LRMDA: variants seen among roughly 807,000 people sequenced by gnomAD.
LRMDA encodes leucine rich melanocyte differentiation associated, also known as leucine-rich melanocyte differentiation-associated protein.
LRMDA carries 18 observed loss-of-function variants against 29.8 expected under a neutral mutation model. That is an observed-to-expected ratio of 0.60 (90% confidence interval 0.42 to 0.90). The LOEUF (loss-of-function observed/expected upper bound fraction) is 0.90, where lower values mean the gene tolerates loss of function less well. LRMDA is among the 40% of genes least tolerant of loss of function. LRMDA has a pLI of 0.00. For synonymous variants in LRMDA, 125 were observed against 109.4 expected, an observed-to-expected ratio of 1.14 and a Z score of -0.89; for missense variants, 273 against 273.9, an observed-to-expected ratio of 1.00 and a Z score of 0.02.
chr10:76,148,195 A>C (rs1050630016), intron 5 of LRMDA, among the ~76,000 whole-genome samples: 4 of 152,174 alleles, frequency 2.6e-5, no homozygotes, highest in Non-Finnish European at 4.4e-5. Context: ...TGGGAGAACC[A>C]CTACTCTCTT....
intron 2 of LRMDA, among the ~76,000 whole-genome samples, chr10:75,486,151 G>A (rs1286820694): frequency 2.6e-5 from 4 of 152,192 alleles, no homozygotes; most frequent in Non-Finnish European, 5.9e-5. Context: ...TTGTTGAAGA[G>A]AGTGTTTTCA....
intron 5 of LRMDA, among the ~76,000 whole-genome samples, chr10:76,213,749 GA>G (rs1426974381): frequency 2.0e-5 from 3 of 152,158 alleles, no homozygotes; most frequent in Admixed American, 6.5e-5. Context: ...CTCCCTCCAG[GA>G]GGTTGCCAAG....
chr10:75,477,158 T>A (rs1247652779), intron 2 of LRMDA, among the ~76,000 whole-genome samples: 1 of 152,108 alleles, frequency 6.6e-6, no homozygotes, highest in East Asian at 1.9e-4. Context: ...CTAGCTAATT[T>A]TTTTAGAGAT....
intron 5 of LRMDA, among the ~76,000 whole-genome samples, chr10:76,100,405 G>A (rs777986689): frequency 1.3e-5 from 2 of 152,206 alleles, no homozygotes; most frequent in African/African-American, 4.8e-5. Context: ...CCATACACAG[G>A]AACGGAAGAG....
At chr10:76,340,139 T>G (rs11001734) in intron 6 of LRMDA, among the ~76,000 whole-genome samples, 16,529 of 152,172 alleles carry the variant, frequency 0.11, 1,067 homozygotes, top group East Asian at 0.33. Flanking sequence ...TAGTTTACTT[T>G]TAGAATTTAT....
intron 5 of LRMDA, among the ~76,000 whole-genome samples, chr10:76,103,788 C>T (rs758125083): frequency 3.9e-5 from 6 of 152,152 alleles, no homozygotes; most frequent in South Asian, 2.1e-4. Context: ...TAGTGGCTCA[C>T]GCCTGTAATC....
chr10:75,928,048 TCA>T (rs1846148716), intron 2 of LRMDA, among the ~76,000 whole-genome samples: 1 of 68,946 alleles, frequency 1.5e-5, no homozygotes, highest in South Asian at 4.3e-4. Flanking sequence ...TTTAACATCA[TCA>T]TCATCATCAT....
intron 5 of LRMDA, among the ~76,000 whole-genome samples, chr10:76,179,561 G>A (rs1366149377): frequency 6.6e-6 from 1 of 152,114 alleles, no homozygotes; most frequent in African/African-American, 2.4e-5. Context: ...CTGTCTTGTC[G>A]GTAAGAAAGA....
At chr10:75,618,830 G>A (rs911336382) in intron 2 of LRMDA, among the ~76,000 whole-genome samples, 8 of 148,320 alleles carry the variant, frequency 5.4e-5, no homozygotes, top group Non-Finnish European at 4.4e-5. Flanking sequence ...TGGCTGGAGT[G>A]CAATGGCATG....
chr10:76,065,736 C>G (rs75260515), intron 5 of LRMDA, among the ~76,000 whole-genome samples: 5 of 152,264 alleles, frequency 3.3e-5, no homozygotes, highest in African/African-American at 9.6e-5. Context: ...ATTCCTTTCT[C>G]TCTGCCCTTG....
At chr10:75,518,589 C>G (rs1028450142) in intron 2 of LRMDA, among the ~76,000 whole-genome samples, 3 of 152,114 alleles carry the variant, frequency 2.0e-5, no homozygotes, top group South Asian at 2.1e-4. Flanking sequence ...ATTCTTCTCT[C>G]TTTTCTTCTT....
At chr10:76,223,378 G>A (rs1318723386) in intron 5 of LRMDA, among the ~76,000 whole-genome samples, 1 of 152,162 alleles carries the variant, frequency 6.6e-6, no homozygotes, top group African/African-American at 2.4e-5. Flanking sequence ...TTGTAGAGAT[G>A]AGGAATTTCT....
intron 2 of LRMDA, chr10:75,552,657 CT>C (rs1397153385): frequency 3.1e-4 from 108 of 354,010 alleles, no homozygotes; most frequent in Middle Eastern, 8.5e-4. Flanking sequence ...TCTCTTCAAA[CT>C]TTTTTTTTCT....
intron 5 of LRMDA, among the ~76,000 whole-genome samples, chr10:76,146,513 C>G (rs567988590): frequency 0.015 from 2,317 of 151,510 alleles, 59 homozygotes; most frequent in African/African-American, 0.053. Flanking sequence ...AGGATTGCAA[C>G]CACTGCCTTT....
chr10:75,462,976 A>G (rs1238628093), intron 2 of LRMDA, among the ~76,000 whole-genome samples: 2 of 152,212 alleles, frequency 1.3e-5, no homozygotes, highest in Non-Finnish European at 2.9e-5. Flanking sequence ...GCGGGGAGCA[A>G]ACTGTTAGTA....
chr10:76,284,507 G>A lies in LRMDA; in HGVS notation c.517-39894G>A, dbSNP rs76827835. Among the ~76,000 whole-genome samples, 735 of 152,292 alleles carry A rather than the reference G, an allele frequency of 4.8e-3. 40 individuals are homozygous for A. The East Asian group carries it at 0.12, about 26-fold the overall frequency. ...TCCAGAACTCTAAGACAATGAACTTGTGTTGTTTGAAGCTGCTAAGTTCAT... is the reference window on the plus strand; with the variant it reads ...TCCAGAACTCTAAGACAATGAACTTATGTTGTTTGAAGCTGCTAAGTTCAT... On this transcript the variant is annotated intron_variant, in intron 5 of 6. Transcript: ENST00000611255.
intron 2 of LRMDA, among the ~76,000 whole-genome samples, chr10:75,647,134 C>T (rs1313516468): frequency 6.6e-6 from 1 of 152,190 alleles, no homozygotes; most frequent in Non-Finnish European, 1.5e-5. Flanking sequence ...TTTCCTGAGG[C>T]CTTGCTTGCC....
chr10:76,008,613 C>T (rs1847716716), intron 2 of LRMDA, among the ~76,000 whole-genome samples: 1 of 152,242 alleles, frequency 6.6e-6, no homozygotes, highest in South Asian at 2.1e-4. Flanking sequence ...CTGCCTCCCA[C>T]CGGGTACACA....
intron 2 of LRMDA, among the ~76,000 whole-genome samples, chr10:75,870,340 A>G (rs746981884): frequency 2.0e-5 from 3 of 151,570 alleles, no homozygotes; most frequent in Non-Finnish European, 2.9e-5. Flanking sequence ...AGAAAAAGGC[A>G]TTGATTGTGT....
Sources: allele counts gnomAD v4.1 joint callset (sites outside exome capture counted in the v4.1 genomes callset), GRCh38; gene constraint gnomAD v4.1.1; transcripts MANE v1.5; gene names NCBI Gene and HGNC (gene_info 2026-07-23, HGNC 2026-07-21).